PCDHA2: variants seen among roughly 807,000 people sequenced by gnomAD.
The protein encoded by PCDHA2 is protocadherin alpha 2, also known as protocadherin alpha-2.
Under a neutral mutation model 66.0 loss-of-function variants are expected in PCDHA2, and 58 were observed. The observed-to-expected ratio is 0.88, with a 90% CI of 0.71 to 1.09. The LOEUF is 1.09. Among genes scored for constraint, PCDHA2 ranks in the 50% least tolerant of loss-of-function variants. The probability of loss-of-function intolerance (pLI) is 0.00; values close to 1 mark genes in which losing one functional copy is unlikely to be tolerated. For synonymous variants in PCDHA2, 634 were observed against 554.0 expected (o/e 1.14, Z -2.03); for missense variants, 1,267 against 1,242.3 (o/e 1.02, Z -0.30).
chr5:140,966,922 G>A (rs782206344), intron 1 of PCDHA2: 5 of 1,603,072 alleles, frequency 3.1e-6, no homozygotes, highest in Non-Finnish European at 4.2e-6. Context: ...CAGAGGAGCA[G>A]GCACCCGGCG....
intron 1 of PCDHA2, chr5:140,803,484 G>A: frequency 6.2e-7 from 1 of 1,614,224 alleles, no homozygotes; most frequent in South Asian, 1.1e-5. Flanking sequence ...CTCTGGAGAG[G>A]GGTTGCCCAA....
intron 1 of PCDHA2, chr5:140,828,250 G>A: frequency 3.1e-6 from 5 of 1,613,982 alleles, no homozygotes; most frequent in African/African-American, 1.3e-5. Flanking sequence ...AGGACCTGGG[G>A]CTGGAGCTGG....
intron 1 of PCDHA2, chr5:140,824,182 T>C: frequency 6.2e-7 from 1 of 1,608,398 alleles, no homozygotes; most frequent in Middle Eastern, 1.7e-4. Context: ...AAATATTAAA[T>C]GTCACATTCA....
rs1368212237 is a variant in PCDHA2 at position 140,829,797 on chromosome 5, G to A, written c.2388+32445G>A. 1.8e-5 allele frequency: 29 copies of A among 1,613,734 alleles called. No individual in the cohort carries two copies. The highest frequency in any genetic ancestry group is 2.4e-5 in the Non-Finnish European group (28 of 1,179,884). Reference sequence around the variant, plus strand: ...AACGCGCCGGCGCTGCTGGCGCCTCGGGTGGGTGGTACTGGTGGTGCAGTG... The same window carrying A: ...AACGCGCCGGCGCTGCTGGCGCCTCAGGTGGGTGGTACTGGTGGTGCAGTG... On this transcript the variant is annotated intron_variant, in intron 1 of 3. Coordinates refer to ENST00000526136, the MANE Select transcript of PCDHA2 (RefSeq NM_018905.3).
rs374506056 is a variant in PCDHA2, at chr5:140,858,272, G to T, written c.2388+60920G>T. 1.3e-4 allele frequency: 201 copies of T among 1,597,346 alleles called. 14 individuals carry two copies. In the African/African-American group the frequency reaches 2.1e-3, roughly 17 times the overall value. On this transcript the variant is annotated intron_variant, in intron 1 of 3. Transcript: ENST00000526136. The stretch of plus-strand genomic sequence containing the variant: ...GAAGCCCACGCTGGTGTGCTCTAGC[G>T]CGGTGGGGAGCTGGTCTTACTCGCA...
At chr5:141,003,928 G>A (rs1479798792) in intron 3 of PCDHA2, among the ~76,000 whole-genome samples, 1 of 152,128 alleles carries the variant, frequency 6.6e-6, no homozygotes, top group Non-Finnish European at 1.5e-5. Context: ...CCTCAGTCTT[G>A]TCTTTGCCTG....
Position 140,809,449 on chromosome 5 carries a change from G to A in PCDHA2, c.2388+12097G>A, listed in dbSNP as rs1254569390. The A allele has an allele frequency of 2.5e-6, 4 of 1,614,142 alleles. No homozygotes were observed. The African/African-American group carries it at 5.3e-5, about 22-fold the overall frequency. ...GGAGCTGGTCATACTCGCAGCAGAGGAGGCCGAGGGTGTGCTCTGGTGAGG... is the reference window on the plus strand; with the variant it reads ...GGAGCTGGTCATACTCGCAGCAGAGAAGGCCGAGGGTGTGCTCTGGTGAGG... On this transcript the variant is annotated intron_variant, in intron 1 of 3. Coordinates refer to ENST00000526136, the MANE Select transcript of PCDHA2 (RefSeq NM_018905.3).
At chr5:140,882,294 C>T (rs1554173437) in intron 1 of PCDHA2, 1 of 1,613,662 alleles carries the variant, frequency 6.2e-7, no homozygotes. Flanking sequence ...CAAGGAGGCC[C>T]AAGACCGCGG....
At chr5:140,973,207 A>C (rs1335984656) in intron 1 of PCDHA2, among the ~76,000 whole-genome samples, 1 of 152,100 alleles carries the variant, frequency 6.6e-6, no homozygotes, top group Non-Finnish European at 1.5e-5. Flanking sequence ...GTGCATATTC[A>C]CCCTAATTCC....
chr5:140,858,733 C>A (rs984187341), intron 1 of PCDHA2: 4 of 475,092 alleles, frequency 8.4e-6, no homozygotes, highest in African/African-American at 8.1e-5. Context: ...TGACGATTTA[C>A]TTTCATAATC....
chr5:140,830,597 T>A (rs1331497388), intron 1 of PCDHA2: 2 of 693,358 alleles, frequency 2.9e-6, no homozygotes, highest in Non-Finnish European at 4.3e-6. Flanking sequence ...TTTACAAAAT[T>A]ACATATTTTC....
At chr5:140,929,276 G>A (rs1554206920) in intron 1 of PCDHA2, 2 of 1,604,822 alleles carry the variant, frequency 1.2e-6, no homozygotes, top group African/African-American at 1.3e-5. Flanking sequence ...CCAATATCCT[G>A]TATTCAGATT....
chr5:140,905,334 C>A (rs2071752505), intron 1 of PCDHA2, among the ~76,000 whole-genome samples: 1 of 152,144 alleles, frequency 6.6e-6, no homozygotes, highest in East Asian at 1.9e-4. Context: ...TGTTGAAGAT[C>A]AGTTGGCTGT....
rs782733393 is a variant in PCDHA2 at position 140,875,889 on chromosome 5, G to A, written c.2388+78537G>A. The A allele has an allele frequency of 6.2e-6, 10 of 1,614,054 alleles. No homozygotes were observed. The South Asian group carries it at 8.8e-5, about 14-fold the overall frequency. On this transcript the variant is annotated intron_variant, in intron 1 of 3. Coordinates refer to ENST00000526136, the MANE Select transcript of PCDHA2 (RefSeq NM_018905.3). ...CGGTGTTCAGAGAAAGGGAACAAAA[G>A]GTACCTGTTTCTGAATCTGCGCCTC...
chr5:140,829,684 G>T, intron 1 of PCDHA2: 1 of 1,613,278 alleles, frequency 6.2e-7, no homozygotes, highest in Non-Finnish European at 8.5e-7. Context: ...TAGAGCTGCT[G>T]CAGTTTCAGG....
chr5:140,836,107 G>T, intron 1 of PCDHA2: 1 of 1,613,744 alleles, frequency 6.2e-7, no homozygotes, highest in Non-Finnish European at 8.5e-7. Context: ...GGCACTGGTG[G>T]CGCAGTGAGA....
At chr5:140,875,878 A>T in intron 1 of PCDHA2, 1 of 1,614,212 alleles carries the variant, frequency 6.2e-7, no homozygotes, top group Non-Finnish European at 8.5e-7. Flanking sequence ...GTTCAGAGAA[A>T]GGGAACAAAA....
chr5:140,843,061 G>A lies in PCDHA2; in HGVS notation c.2388+45709G>A, dbSNP rs113750272. ...GCACTGGTGGCGCAGCGAGCAAGCT[G>A]GTGCCGCGGTCTGTGGGCGCGGGCC... On this transcript the variant is annotated intron_variant, in intron 1 of 3. Coordinates refer to ENST00000526136, the MANE Select transcript of PCDHA2 (RefSeq NM_018905.3). 2.1e-3 allele frequency: 3,330 copies of A among 1,595,224 alleles called. 278 individuals are homozygous for A. In the African/African-American group the frequency reaches 0.039, roughly 19 times the overall value.
At chr5:140,865,006 T>C (rs1171249709) in intron 1 of PCDHA2, 2 of 152,174 alleles carry the variant, frequency 1.3e-5, no homozygotes, top group Non-Finnish European at 2.9e-5. Context: ...GAGACCAGCC[T>C]CGGCAACATA....
Sources: gnomAD v4.1 joint callset for allele counts (sites outside exome capture counted in the v4.1 genomes callset) on GRCh38, gnomAD v4.1.1 for gene constraint, MANE v1.5 for transcripts, NCBI Gene and HGNC (gene_info 2026-07-23, HGNC 2026-07-21) for gene names.